The following DOCK8 variants were observed in gnomAD, a reference collection of about 807,000 sequenced individuals.
The protein encoded by DOCK8 is dedicator of cytokinesis protein 8.
DOCK8 carries 141 observed loss-of-function variants against 245.6 expected under a neutral mutation model. The ratio of observed to expected loss-of-function variants is 0.57; its 90% confidence interval spans 0.50 to 0.66. The LOEUF (loss-of-function observed/expected upper bound fraction) is 0.66, where lower values mean the gene tolerates loss of function less well. DOCK8 is among the 30% of genes least tolerant of loss of function. The probability of loss-of-function intolerance (pLI) is 0.00; values close to 1 mark genes in which losing one functional copy is unlikely to be tolerated. For synonymous variants in DOCK8, 1,168 were observed against 970.2 expected (o/e 1.20, Z -3.79); for missense variants, 2,965 against 2,603.4 (o/e 1.14, Z -3.02).
At chr9:323,794 A>G (rs148124186) in intron 7 of DOCK8, among the ~76,000 whole-genome samples, 1 of 152,336 alleles carries the variant, frequency 6.6e-6, no homozygotes, top group Non-Finnish European at 1.5e-5. Flanking sequence ...TCTTTTACTC[A>G]TAATGTCCTC....
intron 33 of DOCK8, among the ~76,000 whole-genome samples, chr9:423,291 A>G (rs530365593): frequency 6.6e-6 from 1 of 152,356 alleles, no homozygotes; most frequent in South Asian, 2.1e-4. Flanking sequence ...GCAACAATTT[A>G]GACATATGAA....
At chr9:214,596 G>GGGCAGATGGAGCTTCC, upstream of DOCK8, 1 of 1,613,940 alleles carries the variant, frequency 6.2e-7, no homozygotes, top group Non-Finnish European at 8.5e-7. Context: ...TCGCAGCTTC[G>GGGCAGATGGAGCTTCC]GGCAGATGGA....
At chr9:447,506 G>A (rs1199465278) in intron 44 of DOCK8, among the ~76,000 whole-genome samples, 1 of 152,096 alleles carries the variant, frequency 6.6e-6, no homozygotes, top group Non-Finnish European at 1.5e-5. Context: ...TGTTTATGAT[G>A]TTTTTCTCCC....
At chr9:377,301 A>G (rs2131264894) in intron 20 of DOCK8, 90 bp downstream of exon 20, 1 of 1,295,188 alleles carries the variant, frequency 7.7e-7, no homozygotes, top group Non-Finnish European at 1.1e-6. Flanking sequence ...AAATCCAGAG[A>G]CAATGTGATC....
intron 1 of DOCK8, among the ~76,000 whole-genome samples, chr9:253,645 C>G (rs1000536820): frequency 2.6e-5 from 4 of 152,178 alleles, no homozygotes; most frequent in African/African-American, 9.7e-5. Flanking sequence ...CAGCTCTCTT[C>G]TTGTGGGGAA....
Position 406,911 on chromosome 9 carries a change from G to T in DOCK8, c.3391-19G>T. On this transcript the variant is annotated intron_variant, in intron 27 of 47. Transcript: ENST00000432829. ...TCCAGTTCTTGTGGCTCATAAAATG[G>T]CTCCTTACGTTTCTGTAGAACTCAA... 6.2e-7 allele frequency: 1 copy of T among 1,613,950 alleles called. No homozygotes were observed.
At chr9:317,613 C>T (rs2050403958) in intron 7 of DOCK8, among the ~76,000 whole-genome samples, 1 of 152,158 alleles carries the variant, frequency 6.6e-6, no homozygotes, top group Non-Finnish European at 1.5e-5. Context: ...AAACATTTAC[C>T]AGTATGCCAC....
chr9:391,821 C>CTTTT (rs373810616), intron 24 of DOCK8, among the ~76,000 whole-genome samples: 2 of 116,308 alleles, frequency 1.7e-5, no homozygotes, highest in African/African-American at 6.2e-5. Flanking sequence ...TTAAGTGAAT[C>CTTTT]TTTTTTTTTT....
intron 14 of DOCK8, among the ~76,000 whole-genome samples, chr9:364,395 G>A (rs144610758): frequency 1.2e-3 from 182 of 152,290 alleles, no homozygotes; most frequent in Non-Finnish European, 2.2e-3. Context: ...CACTGTGGGA[G>A]GCCAAGGCAG....
chr9:326,085 C>T (rs2050755136), intron 8 of DOCK8, among the ~76,000 whole-genome samples: 1 of 152,186 alleles, frequency 6.6e-6, no homozygotes, highest in Non-Finnish European at 1.5e-5. Context: ...GAGTTCTTTG[C>T]ACTGTGAAAT....
chr9:346,491 T>G (rs2051897304), intron 14 of DOCK8, among the ~76,000 whole-genome samples: 1 of 152,164 alleles, frequency 6.6e-6, no homozygotes, highest in Non-Finnish European at 1.5e-5. Context: ...AATGGGTGAT[T>G]ACAGTAAAAA....
chr9:383,825 A>AT (rs1192724467), intron 22 of DOCK8, among the ~76,000 whole-genome samples: 2 of 147,162 alleles, frequency 1.4e-5, no homozygotes, highest in South Asian at 2.2e-4. Context: ...TGAATTCTTT[A>AT]TTTTTTTCAT....
At chr9:318,794 T>C (rs11795376) in intron 7 of DOCK8, among the ~76,000 whole-genome samples, 6,335 of 152,258 alleles carry the variant, frequency 0.042, 214 homozygotes, top group African/African-American at 0.076. Context: ...TTAGGAAGCC[T>C]TCGCTATTGT....
rs900378867 is a variant in DOCK8, at chr9:339,097, C to T, written c.1514C>T (p.Pro505Leu). ...SSLQRRVKSIPGLLRLEISTA... is the reference protein window; with the variant it reads ...SSLQRRVKSILGLLRLEISTA... The stretch of plus-strand genomic sequence containing the variant: ...TTACAGAGACGAGTCAAGTCAATTC[C>T]AGGTGTGAATGACTTATCTTTATCC... The change falls in exon 13 of 48, where the codon CCA (proline) becomes CTA (leucine). Residue 505 changes from proline (P) to leucine (L), a missense_variant and splice_region_variant. Pro to Leu is a moderately conservative substitution (Grantham distance 98). Around this residue, in one of 3 missense-constraint regions of DOCK8, gnomAD observed 2,825 missense variants for 2,453.5 expected, o/e 1.15. Coordinates refer to ENST00000432829, the MANE Select transcript of DOCK8 (RefSeq NM_203447.4). The T allele has an allele frequency of 6.2e-7, 1 of 1,613,806 alleles. No homozygotes were observed. Among genetic ancestry groups the T allele is most frequent in the Non-Finnish European group, 8.5e-7 (1 of 1,179,824 alleles).
At chr9:243,394 T>C (rs1156278723) in intron 1 of DOCK8, among the ~76,000 whole-genome samples, 1 of 152,148 alleles carries the variant, frequency 6.6e-6, no homozygotes, top group Non-Finnish European at 1.5e-5. Context: ...GAAGACATCA[T>C]GGTGTGGTGA....
In DOCK8 at chr9:215,070, C is replaced by T. The variant is rs556080278; in HGVS notation, c.53+41C>T. 1.5e-5 allele frequency: 23 copies of T among 1,545,856 alleles called. No individual in the cohort carries two copies. The African/African-American group carries it at 1.5e-4, about 10-fold the overall frequency. On this transcript the variant is annotated intron_variant, in intron 1 of 47. Transcript: ENST00000432829. ...CGGCGCGCAGGTTGCGGCCGGACAGCCCAGCGCTGGTGTGAAGCGGAGCTT... is the reference window on the plus strand; with the variant it reads ...CGGCGCGCAGGTTGCGGCCGGACAGTCCAGCGCTGGTGTGAAGCGGAGCTT...
chr9:246,650 G>A lies in DOCK8; in HGVS notation c.54-24977G>A, dbSNP rs1269834229. ...TATGGTAGCAGAAGGACAAAGACAT[G>A]TTTGAAAAATTTTTAATATTGTATA... On this transcript the variant is annotated intron_variant, in intron 1 of 47. Transcript: ENST00000432829. Among the ~76,000 whole-genome samples, 6 of 152,240 alleles carry A rather than the reference G, an allele frequency of 3.9e-5. No individual in the cohort carries two copies. The East Asian group carries it at 9.6e-4, about 24-fold the overall frequency.
In DOCK8 at chr9:418,127, G is replaced by A. The variant is rs2056110575; in HGVS notation, c.3760G>A (p.Ala1254Thr). Residue 1254 changes from alanine (A) to threonine (T), a missense_variant, in exon 30 of 48, where the codon GCC becomes ACC. Ala to Thr is a moderately conservative substitution (Grantham distance 58). Around this residue, in one of 3 missense-constraint regions of DOCK8, gnomAD observed 2,825 missense variants for 2,453.5 expected, o/e 1.15. Transcript: ENST00000432829. Reference sequence around the variant, plus strand: ...GGATGAAGAACAAGAAGGAGCCGGTGCCATTAACCAGAATGTGGCTCTGGC... The same window carrying A: ...GGATGAAGAACAAGAAGGAGCCGGTACCATTAACCAGAATGTGGCTCTGGC... ...GSDEEQEGAG[A>T]INQNVALAIA... The A allele has an allele frequency of 3.1e-6, 5 of 1,614,218 alleles. No individual in the cohort carries two copies. The East Asian group carries it at 8.9e-5, about 29-fold the overall frequency.
intron 5 of DOCK8, among the ~76,000 whole-genome samples, chr9:309,879 T>G (rs894457881): frequency 6.6e-6 from 1 of 152,198 alleles, no homozygotes; most frequent in African/African-American, 2.4e-5. Context: ...TCTCTTTATT[T>G]CCCAGTGCAG....
Sources: gnomAD v4.1 joint callset for allele counts (sites outside exome capture counted in the v4.1 genomes callset) on GRCh38, gnomAD v4.1.1 for gene constraint, gnomAD v4.1.1 regional missense constraint, MANE v1.5 for transcripts, NCBI Gene and HGNC (gene_info 2026-07-23, HGNC 2026-07-21) for gene names.